Variants in PAK4 observed in about 807,000 individuals in gnomAD.
PAK4 encodes serine/threonine-protein kinase PAK 4.
A neutral mutation model predicts 53.5 loss-of-function variants in PAK4; 49 were observed. The ratio of observed to expected loss-of-function variants is 0.92; its 90% CI spans 0.73 to 1.16. The LOEUF (loss-of-function observed/expected upper bound fraction) is 1.16, where lower values mean the gene tolerates loss of function less well. Ranked by LOEUF, PAK4 falls within the 50% of genes most tolerant of loss-of-function variation. The pLI, the probability that PAK4 is intolerant of heterozygous loss-of-function variation, is 0.00. For missense variants in PAK4, 824 were observed against 850.7 expected (o/e 0.97, Z 0.39); for synonymous variants, 376 against 375.6 (o/e 1.00, Z -0.01).
intron 1 of PAK4, among the ~76,000 whole-genome samples, chr19:39,129,856 A>G (rs969680498): frequency 3.3e-5 from 5 of 152,150 alleles, no homozygotes; most frequent in Admixed American, 2.0e-4. Flanking sequence ...TACTGATTCG[A>G]ACCTCTCAGG....
downstream of PAK4, chr19:39,181,715 C>T (rs1473322511): frequency 1.3e-5 from 2 of 152,266 alleles, no homozygotes; most frequent in Non-Finnish European, 2.9e-5. Context: ...AAGGGTGGTG[C>T]CAGAGGATCC....
chr19:39,164,971 G>C (rs993845597), intron 1 of PAK4, among the ~76,000 whole-genome samples: 99 of 152,116 alleles, frequency 6.5e-4, no homozygotes, highest in African/African-American at 2.4e-3. Flanking sequence ...AGGCCCATGG[G>C]AAAGGCTGGT....
intron 4 of PAK4, 93 bp downstream of exon 5, chr19:39,174,103 G>T (rs145521731): frequency 7.5e-6 from 6 of 794,888 alleles, no homozygotes; most frequent in Non-Finnish European, 9.4e-6. Flanking sequence ...GCACTCCTCC[G>T]TGCTGGGCCA....
chr19:39,172,769 C>T, intron 2 of PAK4, 149 bp from the exon 4 acceptor site: 1 of 708,436 alleles, frequency 1.4e-6, no homozygotes, highest in East Asian at 2.7e-5. Flanking sequence ...GCTGCACTGC[C>T]CATGCCATTG....
At chr19:39,135,128 A>G (rs1381221512) in intron 1 of PAK4, 1 of 152,060 alleles carries the variant, frequency 6.6e-6, no homozygotes, top group Non-Finnish European at 1.5e-5. Flanking sequence ...TGAGGATCTT[A>G]GTTGCTCCAC....
At chr19:39,171,549 C>G (rs1179063109) in intron 2 of PAK4, among the ~76,000 whole-genome samples, 1 of 152,152 alleles carries the variant, frequency 6.6e-6, no homozygotes, top group Admixed American at 6.5e-5. Flanking sequence ...TCCACCTTGA[C>G]TTCCTGGGGC....
rs74176490 is a variant in PAK4 at position 39,144,096 on chromosome 19, G to GTAGA, written c.-23+18198_-23+18201dup. Among the ~76,000 whole-genome samples the GTAGA allele has an allele frequency of 2.6e-3, 392 of 148,214 alleles. 2 individuals are homozygous for GTAGA. Among genetic ancestry groups the GTAGA allele is most frequent in the South Asian group, 0.011 (49 of 4,498 alleles). ...TAGAGCGAGCAAGACCCTATCTCAG[G>GTAGA]TAGATAGATAGATAGATAGATAGAC... On this transcript the variant is annotated intron_variant, in intron 1 of 8. Transcript: ENST00000358301.
At chr19:39,179,249 C>G (rs1489647664) in exon 9 of PAK4, 2 of 152,630 alleles carry the variant, frequency 1.3e-5, no homozygotes, top group Non-Finnish European at 2.9e-5. Context: ...ACACTCTAGC[C>G]CCTGCCCTTA....
chr19:39,152,573 GA>G (rs1209418720), intron 1 of PAK4, among the ~76,000 whole-genome samples: 1 of 152,128 alleles, frequency 6.6e-6, no homozygotes, highest in Non-Finnish European at 1.5e-5. Flanking sequence ...CAGTAAGAAC[GA>G]ACCTTCTATC....
intron 2 of PAK4, among the ~76,000 whole-genome samples, chr19:39,172,700 G>T (rs975841031): frequency 2.0e-5 from 3 of 152,138 alleles, no homozygotes; most frequent in African/African-American, 7.2e-5. Context: ...GGGGGCAGCA[G>T]CCTGGCCATG....
intron 1 of PAK4, among the ~76,000 whole-genome samples, chr19:39,160,540 A>G (rs545447209): frequency 6.6e-6 from 1 of 152,316 alleles, no homozygotes; most frequent in African/African-American, 2.4e-5. Flanking sequence ...TAAGACCTGA[A>G]TATCAAGAAA....
chr19:39,158,644 C>T (rs1012993935), intron 1 of PAK4, among the ~76,000 whole-genome samples: 3 of 152,176 alleles, frequency 2.0e-5, no homozygotes, highest in Non-Finnish European at 4.4e-5. Flanking sequence ...AGGGCTTGGC[C>T]CTGGCATCAC....
At chr19:39,159,863 G>A (rs1175647830) in intron 1 of PAK4, among the ~76,000 whole-genome samples, 1 of 152,240 alleles carries the variant, frequency 6.6e-6, no homozygotes, top group East Asian at 1.9e-4. Flanking sequence ...CTCCACAGAC[G>A]CTGCTGAATC....
chr19:39,130,933 A>G (rs7257624), intron 1 of PAK4, among the ~76,000 whole-genome samples: 5,165 of 151,606 alleles, frequency 0.034, 282 homozygotes, highest in African/African-American at 0.12. Context: ...TGACAGTCCA[A>G]GCAGAAGAGG....
At chr19:39,154,132 T>C (rs748638113) in intron 1 of PAK4, among the ~76,000 whole-genome samples, 4 of 152,124 alleles carry the variant, frequency 2.6e-5, no homozygotes, top group African/African-American at 7.2e-5. Context: ...CACCACCTCC[T>C]GGGGACGAGC....
At chr19:39,155,025 G>A (rs2074154516) in intron 1 of PAK4, among the ~76,000 whole-genome samples, 1 of 152,218 alleles carries the variant, frequency 6.6e-6, no homozygotes, top group Non-Finnish European at 1.5e-5. Context: ...CTGCCCTTGA[G>A]GAGTTGGCTG....
rs1217354091 is a variant in PAK4 at position 39,173,716 on chromosome 19, G to A, written c.804G>A (p.Glu268=). 1 of 1,575,784 alleles carries A rather than the reference G, an allele frequency of 6.3e-7. No homozygotes were observed. The highest frequency in any genetic ancestry group is 1.1e-5 in the South Asian group (1 of 87,500). ...GAGTGCTGGGACCCCACGCCTCAGA[G>A]CCCCAGCTGGCCCCTCCAGCCTGCA... Residue 268 remains glutamate (E), a synonymous_variant, in exon 4 of 9, where the codon GAG becomes GAA. Transcript: ENST00000358301. The surrounding 1 kb of genome is among the most constrained non-coding windows in gnomAD (Gnocchi z 6.9).
intron 7 of PAK4, 39 bp from the exon 9 acceptor site, chr19:39,177,636 C>A: frequency 6.3e-7 from 1 of 1,591,448 alleles, no homozygotes. Context: ...CCCACCATCC[C>A]CCAACAGCTC....
intron 1 of PAK4, among the ~76,000 whole-genome samples, chr19:39,140,171 A>T (rs1248354234): frequency 6.7e-6 from 1 of 148,246 alleles, no homozygotes; most frequent in Non-Finnish European, 1.5e-5. Context: ...TCCCTTCCCC[A>T]CCCCACCCTC....
Sources: allele counts gnomAD v4.1 joint callset (sites outside exome capture counted in the v4.1 genomes callset), GRCh38; gene constraint gnomAD v4.1.1; non-coding constraint Gnocchi (gnomAD v3.1); transcripts MANE v1.5; gene names NCBI Gene and HGNC (gene_info 2026-07-23, HGNC 2026-07-21).